TIAM2: variants seen among roughly 807,000 people sequenced by gnomAD.
TIAM2 encodes the protein TIAM Rac1 associated GEF 2.
A neutral mutation model predicts 152.9 loss-of-function variants in TIAM2; 80 were observed. That is an observed-to-expected ratio of 0.52 (90% CI 0.44 to 0.63). TIAM2 has a LOEUF of 0.63. Among genes scored for constraint, TIAM2 ranks in the 30% least tolerant of loss-of-function variants. The probability of loss-of-function intolerance (pLI) is 0.00; values close to 1 mark genes in which losing one functional copy is unlikely to be tolerated. For synonymous variants in TIAM2, 804 were observed against 838.0 expected, an observed-to-expected ratio of 0.96 and a Z score of 0.70; for missense variants, 1,965 against 2,120.1, an observed-to-expected ratio of 0.93 and a Z score of 1.44.
At chr6:155,094,652 C>T (rs1389133793) in intron 2 of TIAM2, among the ~76,000 whole-genome samples, 2 of 148,596 alleles carry the variant, frequency 1.3e-5, no homozygotes, top group African/African-American at 5.0e-5. Context: ...TGGACCCAAG[C>T]AATCTGCCCA....
intron 14 of TIAM2, among the ~76,000 whole-genome samples, chr6:155,199,516 G>A (rs991894160): frequency 3.3e-5 from 5 of 152,196 alleles, no homozygotes; most frequent in Admixed American, 6.5e-5. Context: ...TGGCTTTTTC[G>A]TCTGTGACCA....
intron 26 of TIAM2, 143 bp from the exon 27 acceptor site, chr6:155,256,341 C>T (rs1784023361): frequency 4.9e-6 from 6 of 1,234,560 alleles, no homozygotes; most frequent in Admixed American, 5.4e-5. Flanking sequence ...TACATTTTTG[C>T]CTAATTACCA....
intron 15 of TIAM2, among the ~76,000 whole-genome samples, chr6:155,234,911 G>T (rs904276861): frequency 2.6e-5 from 4 of 152,250 alleles, no homozygotes; most frequent in Non-Finnish European, 5.9e-5. Flanking sequence ...GAACTAGATT[G>T]CTTTGCCTGT....
intron 7 of TIAM2, among the ~76,000 whole-genome samples, chr6:155,157,863 G>A (rs112404166): frequency 6.6e-6 from 1 of 152,106 alleles, no homozygotes; most frequent in Admixed American, 6.5e-5. Flanking sequence ...TTTATAACTT[G>A]GATTTTTCAG....
At chr6:155,063,781 CAAAA>C (rs56808026) in intron 1 of TIAM2, among the ~76,000 whole-genome samples, 1 of 91,066 alleles carries the variant, frequency 1.1e-5, no homozygotes. Context: ...GACTCTGTCT[CAAAA>C]AAAAAAAAAA....
At chr6:155,008,684 A>G (rs1778438497) in intron 1 of TIAM2, among the ~76,000 whole-genome samples, 1 of 152,032 alleles carries the variant, frequency 6.6e-6, no homozygotes, top group Admixed American at 6.6e-5. Flanking sequence ...TCTCAGCATC[A>G]CTCAGTTCTT....
chr6:155,059,294 C>CTG (rs56013145), intron 1 of TIAM2, among the ~76,000 whole-genome samples: 4,251 of 117,250 alleles, frequency 0.036, 168 homozygotes, highest in African/African-American at 0.11. Context: ...GTGTGTGTGT[C>CTG]TGTGTGTGTG....
intron 2 of TIAM2, among the ~76,000 whole-genome samples, chr6:155,126,808 C>CTTT (rs76982750): frequency 7.0e-6 from 1 of 142,672 alleles, no homozygotes. Flanking sequence ...TACAAATAAA[C>CTTT]TTTTTTTTTT....
At chr6:155,157,359 A>G (rs1415477367) in intron 7 of TIAM2, among the ~76,000 whole-genome samples, 1 of 152,210 alleles carries the variant, frequency 6.6e-6, no homozygotes, top group African/African-American at 2.4e-5. Context: ...TGATTTCACA[A>G]TAACTCTGCA....
At chr6:155,028,326 C>CTACACATATGTACTGTGT (rs1776675020) in intron 1 of TIAM2, among the ~76,000 whole-genome samples, 3 of 94,288 alleles carry the variant, frequency 3.2e-5, no homozygotes, top group African/African-American at 1.8e-4. Context: ...TACATATATA[C>CTACACATATGTACTGTGT]TACATATAAT....
chr6:155,037,808 G>A (rs13212121), intron 1 of TIAM2, among the ~76,000 whole-genome samples: 30,498 of 152,098 alleles, frequency 0.2, 3,129 homozygotes, highest in Middle Eastern at 0.3. Context: ...GGGATTGCAG[G>A]TGTGAGCCAC....
rs1178097047 is a variant in TIAM2, at chr6:155,244,770, C to T, written c.3530C>T (p.Pro1177Leu). The T allele has an allele frequency of 3.1e-6, 5 of 1,611,874 alleles. No homozygotes were observed. Among genetic ancestry groups the T allele is most frequent in the East Asian group, 2.2e-5 (1 of 44,808 alleles). The change falls in exon 18 of 27, where the codon CCC (proline) becomes CTC (leucine). Residue 1177 changes from proline (P) to leucine (L), a missense_variant. Physicochemically the swap from Pro to Leu is moderately conservative, Grantham distance 98. Around this residue, in one of 3 missense-constraint regions of TIAM2, gnomAD observed 935 missense variants for 980.0 expected, o/e 0.95. Coordinates refer to ENST00000682666, the MANE Select transcript of TIAM2 (RefSeq NM_012454.4). Reference protein sequence around the residue: ...ASSDFNTLETPSQFRKLLFSL... With the variant: ...ASSDFNTLETLSQFRKLLFSL... The stretch of plus-strand genomic sequence containing the variant: ...TCTGACTTTAACACCCTAGAAACCC[C>T]CTCACAGTTTAGAGTAAGTATCTCA...
At chr6:155,184,822 T>C (rs1780996153) in intron 14 of TIAM2, among the ~76,000 whole-genome samples, 1 of 152,218 alleles carries the variant, frequency 6.6e-6, no homozygotes, top group Admixed American at 6.5e-5. Flanking sequence ...TGCCATTAAA[T>C]GGACTATTGG....
At chr6:155,187,573 C>CCTTTTTTTTTTTTTTTTTTT (rs1189509294) in intron 14 of TIAM2, among the ~76,000 whole-genome samples, 3 of 49,622 alleles carry the variant, frequency 6.0e-5, no homozygotes, top group African/African-American at 7.9e-5. Flanking sequence ...ACCCCGCCCC[C>CCTTTTTTTTTTTTTTTTTTT]TTTTTTTTTT....
intron 2 of TIAM2, among the ~76,000 whole-genome samples, chr6:155,100,551 CCATT>C (rs1241284591): frequency 1.3e-5 from 2 of 152,156 alleles, no homozygotes; most frequent in Non-Finnish European, 2.9e-5. Flanking sequence ...CTGTCACCTC[CCATT>C]CATTAATTCG....
At chr6:155,065,472 C>T (rs1172784634) in intron 1 of TIAM2, among the ~76,000 whole-genome samples, 1 of 151,738 alleles carries the variant, frequency 6.6e-6, no homozygotes, top group Non-Finnish European at 1.5e-5. Flanking sequence ...ACAAGGATTT[C>T]AAGTTTTAAA....
chr6:155,042,441 C>G (rs1777068738), intron 1 of TIAM2, among the ~76,000 whole-genome samples: 1 of 152,096 alleles, frequency 6.6e-6, no homozygotes, highest in Non-Finnish European at 1.5e-5. Context: ...ACTAAAAATA[C>G]AAAAATTAGC....
chr6:155,138,839 T>C (rs1779618898), intron 5 of TIAM2, among the ~76,000 whole-genome samples: 1 of 152,260 alleles, frequency 6.6e-6, no homozygotes, highest in Admixed American at 6.5e-5. Flanking sequence ...CTATCATTGA[T>C]GGACCAGCTG....
chr6:155,062,561 CT>C (rs1181493489), intron 1 of TIAM2, among the ~76,000 whole-genome samples: 1 of 147,934 alleles, frequency 6.8e-6, no homozygotes, highest in African/African-American at 2.5e-5. Flanking sequence ...CTAGTGGTTT[CT>C]TTTTTTTCTT....
Sources: gnomAD v4.1 joint callset for allele counts (sites outside exome capture counted in the v4.1 genomes callset) on GRCh38, gnomAD v4.1.1 for gene constraint, gnomAD v4.1.1 regional missense constraint, MANE v1.5 for transcripts, NCBI Gene and HGNC (gene_info 2026-07-23, HGNC 2026-07-21) for gene names.